POU6F2: variants seen among roughly 807,000 people sequenced by gnomAD.
The protein encoded by POU6F2 is POU domain, class 6, transcription factor 2.
A neutral mutation model predicts 71.3 loss-of-function variants in POU6F2; 31 were observed. The ratio of observed to expected loss-of-function variants is 0.43; its 90% confidence interval spans 0.33 to 0.59. The LOEUF (loss-of-function observed/expected upper bound fraction) is 0.59. POU6F2 is among the 20% of genes least tolerant of loss of function. POU6F2 has a pLI of 0.04. For synonymous variants in POU6F2, 347 were observed against 355.7 expected (o/e 0.98, Z 0.27); for missense variants, 783 against 856.8 (o/e 0.91, Z 1.07).
At chr7:39,315,641 G>A (rs950544002) in intron 4 of POU6F2, among the ~76,000 whole-genome samples, 15 of 152,028 alleles carry the variant, frequency 9.9e-5, no homozygotes, top group Admixed American at 2.6e-4. Flanking sequence ...TCTTTATTCC[G>A]TTCCCCTTTC....
At chr7:39,060,427 T>A (rs1284488746) in intron 1 of POU6F2, among the ~76,000 whole-genome samples, 1 of 152,138 alleles carries the variant, frequency 6.6e-6, no homozygotes, top group Non-Finnish European at 1.5e-5. Flanking sequence ...TAAAAACAAC[T>A]GAATTATACA....
chr7:39,415,443 A>G (rs1787652280), intron 6 of POU6F2, among the ~76,000 whole-genome samples: 1 of 152,206 alleles, frequency 6.6e-6, no homozygotes, highest in South Asian at 2.1e-4. Context: ...ATAGGAGAGG[A>G]CCAATTAACT....
At chr7:39,127,979 A>T (rs1792176762) in intron 2 of POU6F2, among the ~76,000 whole-genome samples, 1 of 151,248 alleles carries the variant, frequency 6.6e-6, no homozygotes, top group Admixed American at 6.6e-5. Context: ...AGTAGCTGGG[A>T]CCACAGGTGC....
At chr7:39,062,799 C>G (rs1790684533) in intron 1 of POU6F2, among the ~76,000 whole-genome samples, 1 of 151,364 alleles carries the variant, frequency 6.6e-6, no homozygotes, top group African/African-American at 2.4e-5. Context: ...TGCCTGTAAT[C>G]CCAGCACTTT....
chr7:39,410,057 T>C (rs2115910887), intron 6 of POU6F2, among the ~76,000 whole-genome samples: 1 of 152,294 alleles, frequency 6.6e-6, no homozygotes, highest in South Asian at 2.1e-4. Context: ...TCTAAGGTCA[T>C]AGAGTAGAGG....
chr7:39,304,554 C>A (rs74903831), intron 4 of POU6F2, among the ~76,000 whole-genome samples: 7,303 of 148,970 alleles, frequency 0.049, 245 homozygotes, highest in South Asian at 0.15. Flanking sequence ...GAAAAAAAAT[C>A]AAGAAATAAT....
At chr7:39,327,245 C>T (rs1785524226) in intron 4 of POU6F2, among the ~76,000 whole-genome samples, 1 of 150,950 alleles carries the variant, frequency 6.6e-6, no homozygotes, top group Non-Finnish European at 1.5e-5. Flanking sequence ...CGCCACTGCA[C>T]TCCAGCCTGG....
intron 2 of POU6F2, among the ~76,000 whole-genome samples, chr7:39,112,466 G>A (rs535121456): frequency 1.3e-5 from 2 of 152,092 alleles, no homozygotes. Flanking sequence ...CAGATACCCT[G>A]TTGTCCATTC....
chr7:39,311,089 G>A (rs73695270), intron 4 of POU6F2, among the ~76,000 whole-genome samples: 8,100 of 152,110 alleles, frequency 0.053, 287 homozygotes, highest in South Asian at 0.17. Context: ...AGAGCAGGGA[G>A]TGGGTTACCA....
intron 1 of POU6F2, among the ~76,000 whole-genome samples, chr7:39,075,323 C>T (rs1484899588): frequency 1.3e-5 from 2 of 152,122 alleles, no homozygotes; most frequent in Non-Finnish European, 2.9e-5. Context: ...GGTTGGAGTT[C>T]TGGCCCAACT....
intron 5 of POU6F2, among the ~76,000 whole-genome samples, chr7:39,382,747 G>T (rs1786854934): frequency 6.6e-6 from 1 of 152,186 alleles, no homozygotes. Context: ...TAGAGCCTTA[G>T]AATAGGGCAC....
At chr7:39,376,536 T>C (rs1786713974) in intron 5 of POU6F2, among the ~76,000 whole-genome samples, 1 of 152,178 alleles carries the variant, frequency 6.6e-6, no homozygotes, top group African/African-American at 2.4e-5. Context: ...CGGTCCAGTC[T>C]GGAACTGACA....
At chr7:39,194,826 A>C in intron 2 of POU6F2, among the ~76,000 whole-genome samples, 1 of 151,838 alleles carries the variant, frequency 6.6e-6, no homozygotes, top group East Asian at 1.9e-4. Flanking sequence ...GAGACCACGA[A>C]CCCCCCCGGG....
At chr7:38,983,425 T>C (rs1156368846) in intron 1 of POU6F2, among the ~76,000 whole-genome samples, 1 of 150,096 alleles carries the variant, frequency 6.7e-6, no homozygotes, top group Admixed American at 6.7e-5. Context: ...GAAATGTGTA[T>C]CCAATAAAGT....
At position 39,464,643 on chromosome 7, in the gene POU6F2, T is replaced by A; in HGVS notation, c.2120T>A (p.Val707Asp). Reference sequence around the variant, plus strand: ...AAACAGCACGAGCCGGCCACGGCAGTCCCTTTGGAGCCCTTAACAGACTCT... The same window carrying A: ...AAACAGCACGAGCCGGCCACGGCAGACCCTTTGGAGCCCTTAACAGACTCT... ...RLKQHEPATA[V>D]PLEPLTDSLE... is the part of the protein sequence containing the mutation. Residue 707 changes from valine to aspartate, a missense_variant, in exon 10 of 10, where the codon GTC becomes GAC. By Grantham distance (152) the Val-to-Asp change is radical (BLOSUM62 -3). Transcript: ENST00000518318. The surrounding 1 kb of genome is among the most constrained non-coding windows in gnomAD (Gnocchi z 4.1). The A allele has an allele frequency of 6.2e-7, 1 of 1,608,552 alleles. No homozygotes were observed. Among genetic ancestry groups the A allele is most frequent in the Non-Finnish European group, 8.5e-7 (1 of 1,177,564 alleles).
intron 2 of POU6F2, among the ~76,000 whole-genome samples, chr7:39,180,887 C>T (rs1223137134): frequency 1.3e-5 from 2 of 152,136 alleles, no homozygotes; most frequent in East Asian, 3.9e-4. Context: ...ACCCCTCCCA[C>T]CCATGGTTCT....
intron 2 of POU6F2, among the ~76,000 whole-genome samples, chr7:39,180,022 A>G (rs1310432801): frequency 6.6e-6 from 1 of 152,230 alleles, no homozygotes; most frequent in Non-Finnish European, 1.5e-5. Context: ...GATCAATAGT[A>G]GCAGAAGGAG....
chr7:39,441,818 G>C (rs1788413114), intron 7 of POU6F2, among the ~76,000 whole-genome samples: 1 of 152,152 alleles, frequency 6.6e-6, no homozygotes, highest in Non-Finnish European at 1.5e-5. Context: ...GTTAAAGCTG[G>C]AGTGTACACT....
intron 4 of POU6F2, among the ~76,000 whole-genome samples, chr7:39,283,809 C>T (rs1784605787): frequency 6.6e-6 from 1 of 152,192 alleles, no homozygotes; most frequent in African/African-American, 2.4e-5. Context: ...CTGGATAGCT[C>T]AGCCAAAAGA....
Sources: allele counts gnomAD v4.1 joint callset (sites outside exome capture counted in the v4.1 genomes callset), GRCh38; gene constraint gnomAD v4.1.1; non-coding constraint Gnocchi (gnomAD v3.1); transcripts MANE v1.5; gene names NCBI Gene and HGNC (gene_info 2026-07-23, HGNC 2026-07-21).